The following CHRFAM7A variants were observed in gnomAD, a reference collection of about 807,000 sequenced individuals.
The protein encoded by CHRFAM7A is CHRNA7 (exons 5-10) and FAM7A (exons A-E) fusion, also known as CHRNA7-FAM7A fusion protein.
A neutral mutation model predicts 29.2 loss-of-function variants in CHRFAM7A; 3 were observed. The observed-to-expected ratio is 0.10, with a 90% confidence interval of 0.05 to 0.27. The LOEUF (loss-of-function observed/expected upper bound fraction) is 0.27, where lower values mean the gene tolerates loss of function less well. Among genes scored for constraint, CHRFAM7A ranks in the 10% least tolerant of loss-of-function variants. The probability of loss-of-function intolerance (pLI) is 1.00; values close to 1 mark genes in which losing one functional copy is unlikely to be tolerated. For missense variants in CHRFAM7A, 22 were observed against 328.0 expected, an observed-to-expected ratio of 0.07 and a Z score of 7.21; for synonymous variants, 7 against 135.4, an observed-to-expected ratio of 0.05 and a Z score of 6.58.
intron 9 of CHRFAM7A, among the ~76,000 whole-genome samples, chr15:30,363,260 C>T (rs2058761062): frequency 6.8e-6 from 1 of 147,096 alleles, no homozygotes; most frequent in African/African-American, 2.6e-5. Flanking sequence ...TGTACATTTT[C>T]AAATGCAATC....
At chr15:30,367,218 G>A (rs2058796525) in intron 9 of CHRFAM7A, among the ~76,000 whole-genome samples, 200 bp downstream of exon 9, 2 of 151,150 alleles carry the variant, frequency 1.3e-5, no homozygotes, top group African/African-American at 2.4e-5. Flanking sequence ...TCCAGGAGGT[G>A]GAGGTTGCAG....
In CHRFAM7A at chr15:30,392,987, C is replaced by T. The variant is rs2059008159; in HGVS notation, c.-157+265G>A. ...CGACCATGGGTCCCAAGAGGGCTCC[C>T]GCAGCGGCGGGCTCCCACCTCGAGG... On this transcript the variant is annotated intron_variant, in intron 1 of 9. Transcript: ENST00000299847. Among the ~76,000 whole-genome samples, 2 of 67,070 alleles carry T rather than the reference C, an allele frequency of 3.0e-5. 1 individual carries two copies. The highest frequency in any genetic ancestry group is 9.3e-5 in the African/African-American group (2 of 21,488). The allele number at this position is 67,070 out of a possible 152,430, so 44.0% of individuals were successfully genotyped here. A position where few individuals can be genotyped will look rare whatever the true frequency, so the allele number is the denominator to read the frequency against.
intron 9 of CHRFAM7A, among the ~76,000 whole-genome samples, chr15:30,367,114 T>G (rs1199412072): frequency 6.7e-6 from 1 of 150,246 alleles, no homozygotes; most frequent in Non-Finnish European, 1.5e-5. Flanking sequence ...AAACCCCATC[T>G]CTACTAAAAA....
Position 30,362,520 on chromosome 15 carries a change from C to CG in CHRFAM7A, c.1011dup (p.Glu338ArgfsTer161), listed in dbSNP as rs2058749493. 1 of 456,024 alleles carries CG rather than the reference C, an allele frequency of 2.2e-6. No homozygotes were observed. Among genetic ancestry groups the CG allele is most frequent in the Non-Finnish European group, 3.7e-6 (1 of 270,868 alleles). The allele number at this position is 456,024 out of a possible 1,614,324, so 28.2% of individuals were successfully genotyped here. A position where few individuals can be genotyped will look rare whatever the true frequency, so the allele number is the denominator to read the frequency against. On this transcript the variant is annotated frameshift_variant, in exon 10 of 10. Transcript: ENST00000299847. LOFTEE classifies it high-confidence loss of function. The stretch of plus-strand genomic sequence containing the variant: ...ATCTTGGCCAAGTCCGGGTCCCCCT[C>CG]GGGGGGTTGCCCGCCGTGCAGGAGG...
intron 9 of CHRFAM7A, among the ~76,000 whole-genome samples, chr15:30,365,801 CTTTTTTTTTT>C (rs1165285566): frequency 1.8e-4 from 13 of 74,260 alleles, no homozygotes; most frequent in Non-Finnish European, 2.4e-4. Flanking sequence ...ACAAGTGAGT[CTTTTTTTTTT>C]TTTTTTTTTT....
chr15:30,373,707 C>T (rs1291356865), intron 5 of CHRFAM7A, among the ~76,000 whole-genome samples: 2 of 104,070 alleles, frequency 1.9e-5, no homozygotes, highest in East Asian at 2.5e-4. Context: ...GTCTCATGCC[C>T]GTAATCCCAG....
chr15:30,367,388 C>T (rs1387638090), intron 9 of CHRFAM7A, 30 bp downstream of exon 9: 1 of 1,595,568 alleles, frequency 6.3e-7, no homozygotes, highest in East Asian at 2.2e-5. Context: ...CAGCGGGGCT[C>T]CGACTCCATC....
At chr15:30,374,746 C>A (rs1423117530) in intron 5 of CHRFAM7A, among the ~76,000 whole-genome samples, 1 of 123,712 alleles carries the variant, frequency 8.1e-6, no homozygotes, top group East Asian at 2.5e-4. Context: ...TATGTAAATT[C>A]TCTCTCAATA....
intron 4 of CHRFAM7A, among the ~76,000 whole-genome samples, chr15:30,379,264 C>T (rs7165550): frequency 0.013 from 882 of 68,512 alleles, 3 homozygotes; most frequent in African/African-American, 0.038. Flanking sequence ...GCCGGGCGGG[C>T]GCGGTGGCGG....
At chr15:30,375,262 CCT>C (rs2058912460) in intron 5 of CHRFAM7A, among the ~76,000 whole-genome samples, 2 of 138,628 alleles carry the variant, frequency 1.4e-5, no homozygotes, top group African/African-American at 2.7e-5. Flanking sequence ...CCCCACTACC[CCT>C]GTTTGCAAGG....
intron 9 of CHRFAM7A, 139 bp downstream of exon 9, chr15:30,367,279 C>G (rs990822985): frequency 5.3e-6 from 5 of 946,520 alleles, no homozygotes; most frequent in Non-Finnish European, 7.9e-6. Context: ...TAGTGAGACT[C>G]CGTCTCAAAA....
chr15:30,376,088 TGTGA>T (rs1383099269), intron 5 of CHRFAM7A, among the ~76,000 whole-genome samples: 11 of 37,696 alleles, frequency 2.9e-4, no homozygotes, highest in African/African-American at 4.9e-4. Context: ...GTGTGAGTAG[TGTGA>T]GTGGTGTGAG....
chr15:30,367,112 T>C (rs1280368395), intron 9 of CHRFAM7A, among the ~76,000 whole-genome samples: 1 of 150,070 alleles, frequency 6.7e-6, no homozygotes, highest in Admixed American at 6.8e-5. Context: ...TGAAACCCCA[T>C]CTCTACTAAA....
At position 30,367,115 on chromosome 15, in the gene CHRFAM7A, C is replaced by G. The variant is rs2058794264; in HGVS notation, c.720+303G>C. 2.7e-5 allele frequency among the ~76,000 whole-genome samples: 4 copies of G among 150,412 alleles called. No individual in the cohort carries two copies. The South Asian group carries it at 8.4e-4, about 31-fold the overall frequency. ...TGGCCAACATAGTGAAACCCCATCT[C>G]TACTAAAAATACAAAAAAAAATTGG... On this transcript the variant is annotated intron_variant, in intron 9 of 9. Coordinates refer to ENST00000299847, the MANE Select transcript of CHRFAM7A (RefSeq NM_139320.2).
intron 5 of CHRFAM7A, among the ~76,000 whole-genome samples, chr15:30,374,462 T>TG (rs1208050272): frequency 1.6e-5 from 2 of 128,942 alleles, no homozygotes; most frequent in Non-Finnish European, 3.3e-5. Context: ...CATTAATAGT[T>TG]GGATCCCCCC....
intron 4 of CHRFAM7A, among the ~76,000 whole-genome samples, chr15:30,377,916 TCATA>T (rs1280101872): frequency 7.8e-6 from 1 of 128,208 alleles, no homozygotes; most frequent in African/African-American, 3.1e-5. Flanking sequence ...GAATTATACC[TCATA>T]AAGTTGATTG....
rs2058801450 is a variant in CHRFAM7A at position 30,367,440 on chromosome 15, T to C, written c.698A>G (p.Asp233Gly). ...TACCCACTTGGGCATCTTGCCCCCG[T>C]CGGGGTCGTGGTGGTGGTACTGCAG... Reference protein sequence around the residue: ...IVLQYHHHDPDGGKMPKWTRV... With the variant: ...IVLQYHHHDPGGGKMPKWTRV... The change falls in exon 9 of 10, where the codon GAC (aspartate) becomes GGC (glycine). Residue 233 changes from aspartate (D) to glycine (G), a missense_variant. Coordinates refer to ENST00000299847, the MANE Select transcript of CHRFAM7A (RefSeq NM_139320.2). The C allele has an allele frequency of 6.2e-7, 1 of 1,607,818 alleles. No homozygotes were observed. The highest frequency in any genetic ancestry group is 1.3e-5 in the African/African-American group (1 of 74,394).
chr15:30,393,855 CTCTGTGTGTGTGTGTGTGTGTGTGTGTG>C (rs2059013368), upstream of CHRFAM7A: 1 of 60,418 alleles, frequency 1.7e-5, no homozygotes, highest in Non-Finnish European at 3.5e-5. Flanking sequence ...CAACCACCAA[CTCTGTGTGTGTGTGTGTGTGTGTGTGTG>C]TCTATGTGTG....
chr15:30,365,799 G>GTT (rs2058774013), intron 9 of CHRFAM7A, among the ~76,000 whole-genome samples: 1 of 98,140 alleles, frequency 1.0e-5, no homozygotes, highest in Non-Finnish European at 1.9e-5. Flanking sequence ...CTACAAGTGA[G>GTT]TCTTTTTTTT....
Sources: allele counts gnomAD v4.1 joint callset (sites outside exome capture counted in the v4.1 genomes callset), GRCh38; gene constraint gnomAD v4.1.1; transcripts MANE v1.5; gene names NCBI Gene and HGNC (gene_info 2026-07-23, HGNC 2026-07-21).